The following WWOX variants were observed in gnomAD, a reference collection of about 807,000 sequenced individuals.
WWOX encodes the protein WW domain-containing oxidoreductase.
A neutral mutation model predicts 46.2 loss-of-function variants in WWOX; 69 were observed. The ratio of observed to expected loss-of-function variants is 1.49; its 90% confidence interval spans 1.23 to 1.82. The LOEUF is 1.82. Ranked by LOEUF, WWOX falls within the 40% of genes most tolerant of loss-of-function variation. The pLI is 0.00. For missense variants in WWOX, 919 were observed against 542.6 expected (o/e 1.69, Z -6.89); for synonymous variants, 359 against 202.6 (o/e 1.77, Z -6.56).
chr16:78,478,001 A>T (rs2084393079), intron 8 of WWOX, among the ~76,000 whole-genome samples: 1 of 152,210 alleles, frequency 6.6e-6, no homozygotes, highest in African/African-American at 2.4e-5. Context: ...CTATTTTTTA[A>T]TACCTAACAT....
chr16:79,087,088 G>T (rs565871598), intron 8 of WWOX, among the ~76,000 whole-genome samples: 4 of 152,200 alleles, frequency 2.6e-5, no homozygotes, highest in African/African-American at 9.7e-5. Flanking sequence ...GGCACTGATG[G>T]AGTAAGGATG....
At chr16:78,642,661 C>G (rs957407855) in intron 8 of WWOX, among the ~76,000 whole-genome samples, 1 of 152,058 alleles carries the variant, frequency 6.6e-6, no homozygotes, top group African/African-American at 2.4e-5. Context: ...TTTCATGTTT[C>G]CCTTCTTTGG....
At chr16:78,302,006 G>A (rs1337510739) in intron 5 of WWOX, among the ~76,000 whole-genome samples, 1 of 151,636 alleles carries the variant, frequency 6.6e-6, no homozygotes, top group Admixed American at 6.6e-5. Context: ...TGTTGCCCAG[G>A]CTGGAGTGCG....
At chr16:78,981,556 G>T (rs1214493222) in intron 8 of WWOX, among the ~76,000 whole-genome samples, 1 of 151,910 alleles carries the variant, frequency 6.6e-6, no homozygotes, top group East Asian at 1.9e-4. Flanking sequence ...TCCTGCCTCA[G>T]CCTCCCAAGT....
chr16:78,155,215 AAG>A (rs2034557897), intron 4 of WWOX, among the ~76,000 whole-genome samples: 1 of 151,916 alleles, frequency 6.6e-6, no homozygotes, highest in African/African-American at 2.4e-5. Flanking sequence ...CAAAGGAGAA[AAG>A]AAAGGAGAGA....
At chr16:78,638,538 T>G (rs2046630330) in intron 8 of WWOX, among the ~76,000 whole-genome samples, 1 of 152,166 alleles carries the variant, frequency 6.6e-6, no homozygotes, top group South Asian at 2.1e-4. Context: ...TGTACCTGCC[T>G]TTTCTGAATG....
At chr16:78,626,886 C>T (rs1327862526) in intron 8 of WWOX, among the ~76,000 whole-genome samples, 2 of 152,094 alleles carry the variant, frequency 1.3e-5, no homozygotes, top group Admixed American at 6.6e-5. Context: ...TATTTTGTTG[C>T]TTAAATTTTT....
Position 78,915,925 on chromosome 16 carries a change from A to G in WWOX, c.1057-295683A>G, listed in dbSNP as rs549250766. Among the ~76,000 whole-genome samples the G allele has an allele frequency of 7.2e-5, 11 of 152,358 alleles. No homozygotes were observed. The South Asian group carries it at 2.3e-3, about 32-fold the overall frequency. ...TTTAATTTGCTATTTCTTCACACAC[A>G]AAACACCCCAAGCTCAATCAATGCC... On this transcript the variant is annotated intron_variant, in intron 8 of 8. Coordinates refer to ENST00000566780, the MANE Select transcript of WWOX (RefSeq NM_016373.4).
intron 8 of WWOX, among the ~76,000 whole-genome samples, chr16:78,871,155 C>A (rs932976471): frequency 3.3e-5 from 5 of 149,948 alleles, no homozygotes; most frequent in Non-Finnish European, 5.9e-5. Flanking sequence ...ATAGTAATTC[C>A]CAACTTTCGT....
chr16:79,052,521 T>C (rs1169758987), intron 8 of WWOX, among the ~76,000 whole-genome samples: 2 of 152,226 alleles, frequency 1.3e-5, no homozygotes, highest in African/African-American at 4.8e-5. Flanking sequence ...AGCAAAGACT[T>C]GGAACCAACC....
chr16:79,017,391 C>T (rs1006642827), intron 8 of WWOX: 1 of 121,024 alleles, frequency 8.3e-6, no homozygotes, highest in Non-Finnish European at 1.6e-5. Context: ...GATCGCTTCA[C>T]TGCACTCCAG....
chr16:78,855,746 C>G (rs1339384778), intron 8 of WWOX, among the ~76,000 whole-genome samples: 1 of 152,180 alleles, frequency 6.6e-6, no homozygotes, highest in Non-Finnish European at 1.5e-5. Context: ...CCTCTCCTAA[C>G]TTCTGTGTTT....
intron 6 of WWOX, among the ~76,000 whole-genome samples, chr16:78,410,522 G>C (rs1597188214): frequency 1.3e-5 from 2 of 152,070 alleles, no homozygotes; most frequent in Non-Finnish European, 2.9e-5. Flanking sequence ...CAAGATGTCA[G>C]CTGGGGGCTG....
chr16:79,059,501 C>G (rs1238758103), intron 8 of WWOX, among the ~76,000 whole-genome samples: 3 of 151,974 alleles, frequency 2.0e-5, no homozygotes, highest in African/African-American at 7.2e-5. Flanking sequence ...TATGTTTTTT[C>G]TTTTTTTGAG....
chr16:78,570,545 C>T (rs903513860), intron 8 of WWOX, among the ~76,000 whole-genome samples: 15 of 151,946 alleles, frequency 9.9e-5, no homozygotes, highest in African/African-American at 3.4e-4. Context: ...TATGCCTGGA[C>T]TCAAGTGATC....
At chr16:78,691,542 A>G (rs2047988012) in intron 8 of WWOX, among the ~76,000 whole-genome samples, 1 of 152,012 alleles carries the variant, frequency 6.6e-6, no homozygotes, top group African/African-American at 2.4e-5. Context: ...TCCTGTCTCT[A>G]CAAAAAATAA....
chr16:78,981,257 A>G (rs2046675609), intron 8 of WWOX, among the ~76,000 whole-genome samples: 1 of 151,848 alleles, frequency 6.6e-6, no homozygotes, highest in Non-Finnish European at 1.5e-5. Flanking sequence ...TCTTATTAGG[A>G]TTTCTCTGCG....
At chr16:78,202,392 C>G (rs1322391080) in intron 5 of WWOX, among the ~76,000 whole-genome samples, 1 of 152,190 alleles carries the variant, frequency 6.6e-6, no homozygotes, top group African/African-American at 2.4e-5. Flanking sequence ...GGTCAGGTTT[C>G]TTAAATTCCG....
chr16:79,108,450 A>G (rs769777401), intron 8 of WWOX, among the ~76,000 whole-genome samples: 2 of 152,218 alleles, frequency 1.3e-5, no homozygotes, highest in Non-Finnish European at 2.9e-5. Flanking sequence ...AAGGTATGGG[A>G]GCGAAAGATT....
Sources: allele counts gnomAD v4.1 joint callset (sites outside exome capture counted in the v4.1 genomes callset), GRCh38; gene constraint gnomAD v4.1.1; transcripts MANE v1.5; gene names NCBI Gene and HGNC (gene_info 2026-07-23, HGNC 2026-07-21).